Variants in CDCA8 observed in about 807,000 individuals in gnomAD.
The protein encoded by CDCA8 is borealin.
In CDCA8, 25 loss-of-function variants were observed where a neutral mutation model predicts 40.0. The observed-to-expected ratio is 0.63, with a 90% CI of 0.46 to 0.87. CDCA8 has a LOEUF of 0.87. Ranked by LOEUF, CDCA8 falls within the 40% of genes least tolerant of loss-of-function variation. The pLI, the probability that CDCA8 is intolerant of heterozygous loss-of-function variation, is 0.00. For synonymous variants in CDCA8, 111 were observed against 126.5 expected (o/e 0.88, Z 0.82); for missense variants, 280 against 348.4 (o/e 0.80, Z 1.56).
At chr1:37,699,415 CT>C (rs1275199574) in intron 4 of CDCA8, among the ~76,000 whole-genome samples, 3 of 152,138 alleles carry the variant, frequency 2.0e-5, no homozygotes, top group Non-Finnish European at 4.4e-5. Flanking sequence ...AAAGGAATGA[CT>C]TTCTCTGCAT....
chr1:37,699,081 A>C, intron 4 of CDCA8, 104 bp downstream of exon 4: 1 of 747,294 alleles, frequency 1.3e-6, no homozygotes, highest in Non-Finnish European at 2.4e-6. Context: ...CTTCCCTTTA[A>C]TGTCTGGTTC....
chr1:37,705,328 G>C (rs1420622343), intron 7 of CDCA8, 113 bp from the exon 8 acceptor site: 2 of 880,292 alleles, frequency 2.3e-6, no homozygotes, highest in African/African-American at 3.3e-5. Context: ...TGCTTTCTTA[G>C]GAATGTATGA....
chr1:37,703,420 A>G, intron 7 of CDCA8, 73 bp downstream of exon 7: 2 of 1,134,926 alleles, frequency 1.8e-6, no homozygotes, highest in East Asian at 2.3e-5. Flanking sequence ...GGAGTGTCTA[A>G]GAAAATACTC....
At chr1:37,706,858 C>A in intron 8 of CDCA8, 120 bp from the exon 9 acceptor site, 1 of 710,764 alleles carries the variant, frequency 1.4e-6, no homozygotes, top group Non-Finnish European at 2.5e-6. Context: ...TCCTTCCTGC[C>A]TGTCTTGCCA....
chr1:37,701,206 T>G (rs1481358603), intron 5 of CDCA8, among the ~76,000 whole-genome samples: 1 of 152,080 alleles, frequency 6.6e-6, no homozygotes, highest in African/African-American at 2.4e-5. Flanking sequence ...TGGAGATGGT[T>G]GTGCAGGGAG....
chr1:37,704,347 G>A (rs1645584654), intron 7 of CDCA8, among the ~76,000 whole-genome samples: 1 of 152,156 alleles, frequency 6.6e-6, no homozygotes, highest in Admixed American at 6.5e-5. Context: ...TGCAGCATAA[G>A]TTAATACCTT....
chr1:37,692,694 G>C lies in CDCA8; in HGVS notation c.4G>C (p.Ala2Pro), dbSNP rs781286827. The C allele has an allele frequency of 6.2e-7, 1 of 1,612,682 alleles. No individual in the cohort carries two copies. Among genetic ancestry groups the C allele is most frequent in the South Asian group, 1.1e-5 (1 of 91,056 alleles). Residue 2 changes from alanine to proline, a missense_variant, in exon 1 of 10, where the codon GCT (alanine) becomes CCT (proline). Physicochemically the swap from Ala to Pro is conservative, Grantham distance 27 (BLOSUM62 -1). Transcript: ENST00000373055. Reference protein sequence around the residue: MAPRKGSSRVAK... With the variant: MPPRKGSSRVAK... ...CCCGCAGCCTCCGCCGAGCGCCATGGCTCCTAGGAAGGGCAGTAGTCGGGT... is the reference window on the plus strand; with the variant it reads ...CCCGCAGCCTCCGCCGAGCGCCATGCCTCCTAGGAAGGGCAGTAGTCGGGT...
intron 5 of CDCA8, 48 bp from the exon 6 acceptor site, chr1:37,701,706 C>A: frequency 3.1e-6 from 4 of 1,304,614 alleles, no homozygotes; most frequent in South Asian, 1.3e-5. Flanking sequence ...TTACCTTCCT[C>A]TTTGCTGGGT....
At chr1:37,693,874 A>G (rs1011074525) in intron 2 of CDCA8, among the ~76,000 whole-genome samples, 1 of 150,928 alleles carries the variant, frequency 6.6e-6, no homozygotes, top group African/African-American at 2.4e-5. Context: ...GTGGTGGCTC[A>G]CGCCTGTAAT....
intron 3 of CDCA8, among the ~76,000 whole-genome samples, chr1:37,697,374 G>A (rs1433894894): frequency 6.6e-6 from 1 of 152,208 alleles, no homozygotes; most frequent in African/African-American, 2.4e-5. Context: ...ACTCCCTGTA[G>A]AGTCAAACAG....
In CDCA8 at chr1:37,708,584, G is replaced by C; in HGVS notation, c.*218G>C. 1.7e-6 allele frequency: 1 copy of C among 574,298 alleles called. No individual in the cohort carries two copies. The allele number at this position is 574,298 out of a possible 1,614,324, so 35.6% of individuals were successfully genotyped here. Reference sequence around the variant, plus strand: ...GCTGATCCCAGTCACTGCTTGCTGGGGCCATGCCATGGAAGCTTCCCATCA... The same window carrying C: ...GCTGATCCCAGTCACTGCTTGCTGGCGCCATGCCATGGAAGCTTCCCATCA... On this transcript the variant is annotated 3_prime_UTR_variant, in exon 10 of 10. Coordinates refer to ENST00000373055, the MANE Select transcript of CDCA8 (RefSeq NM_001256875.2).
Position 37,698,921 on chromosome 1 carries a change from C to T in CDCA8, c.281C>T (p.Thr94Ile). The T allele has an allele frequency of 6.2e-7, 1 of 1,613,580 alleles. No homozygotes were observed. Among genetic ancestry groups the T allele is most frequent in the Non-Finnish European group, 8.5e-7 (1 of 1,179,520 alleles). ...TTGTCATAGGCTGACCTGGATATCA[C>T]CGAAATAAACAAACTAACAGCAGAA... ...EEAATADLDI[T>I]EINKLTAEAI... Residue 94 changes from threonine to isoleucine, a missense_variant, in exon 4 of 10, where the codon ACC (threonine) becomes ATC (isoleucine). Coordinates refer to ENST00000373055, the MANE Select transcript of CDCA8 (RefSeq NM_001256875.2).
At chr1:37,701,726 C>A (rs1409985987) in intron 5 of CDCA8, 28 bp from the exon 6 acceptor site, 19 of 1,533,562 alleles carry the variant, frequency 1.2e-5, no homozygotes, top group Non-Finnish European at 1.7e-5. Flanking sequence ...TTTTTTGTAA[C>A]CTTAGTCTCA....
intron 3 of CDCA8, among the ~76,000 whole-genome samples, chr1:37,698,597 G>A (rs1645542553): frequency 2.0e-5 from 3 of 152,272 alleles, no homozygotes; most frequent in South Asian, 4.1e-4. Context: ...TGTACCTTTC[G>A]ATAAAGCAAG....
chr1:37,699,321 C>T (rs1014453110), intron 4 of CDCA8, among the ~76,000 whole-genome samples: 1 of 152,098 alleles, frequency 6.6e-6, no homozygotes, highest in East Asian at 1.9e-4. Context: ...AAATAGATGA[C>T]AAGATTTAGA....
Position 37,692,947 on chromosome 1 carries a change from T to C in CDCA8, c.137T>C (p.Leu46Pro). 1 of 1,614,048 alleles carries C rather than the reference T, an allele frequency of 6.2e-7. No homozygotes were observed. The highest frequency in any genetic ancestry group is 8.5e-7 in the Non-Finnish European group (1 of 1,179,996). Reference sequence around the variant, plus strand: ...CAAATTGAGTCAGACAGGCAGAACCTCCTCAAGGAGGTGGATAACCTCTAC... The same window carrying C: ...CAAATTGAGTCAGACAGGCAGAACCCCCTCAAGGAGGTGGATAACCTCTAC... ...IKQIESDRQNLLKEVDNLYNI... is the reference protein window; with the variant it reads ...IKQIESDRQNPLKEVDNLYNI... The change falls in exon 2 of 10, where the codon CTC becomes CCC. Residue 46 changes from leucine (L) to proline (P), a missense_variant. Physicochemically the swap from Leu to Pro is moderately conservative, Grantham distance 98. Transcript: ENST00000373055.
intron 5 of CDCA8, 116 bp from the exon 6 acceptor site, chr1:37,701,638 T>C (rs1281240222): frequency 1.6e-6 from 1 of 611,842 alleles, no homozygotes; most frequent in Admixed American, 3.1e-5. Flanking sequence ...TTATTATATT[T>C]AGTATTAACT....
Position 37,705,565 on chromosome 1 carries a change from G to A in CDCA8, c.709G>A (p.Glu237Lys), listed in dbSNP as rs1645593478. The A allele has an allele frequency of 1.2e-6, 2 of 1,612,906 alleles. No homozygotes were observed. The highest frequency in any genetic ancestry group is 2.2e-5 in the East Asian group (1 of 44,878). Reference sequence around the variant, plus strand: ...CCTCACTGTGCCAGTGGGCGGCGGAGAGGTGAAGTATTTCCAAGGGAAGCC... The same window carrying A: ...CCTCACTGTGCCAGTGGGCGGCGGAAAGGTGAAGTATTTCCAAGGGAAGCC... ...IFLTVPVGGG[E>K]SLRLLASDLQ... Residue 237 changes from glutamate (E) to lysine (K), a missense_variant and splice_region_variant, in exon 8 of 10, where the codon GAG becomes AAG. By Grantham distance (56) the Glu-to-Lys change is moderately conservative. Coordinates refer to ENST00000373055, the MANE Select transcript of CDCA8 (RefSeq NM_001256875.2).
In CDCA8 at chr1:37,696,781, G is replaced by A. The variant is rs1645529878; in HGVS notation, c.264+831G>A. Reference sequence around the variant, plus strand: ...CCAAAATTACATCTTTTGTTGAGTTGATCAGAATCATTTGGAATATCAGGG... The same window carrying A: ...CCAAAATTACATCTTTTGTTGAGTTAATCAGAATCATTTGGAATATCAGGG... On this transcript the variant is annotated intron_variant, in intron 3 of 9. Coordinates refer to ENST00000373055, the MANE Select transcript of CDCA8 (RefSeq NM_001256875.2). This position sits in a 1 kb window ranked among gnomAD's most constrained non-coding sequence, Gnocchi z 5.0. Among the ~76,000 whole-genome samples, 1 of 152,168 alleles carries A rather than the reference G, an allele frequency of 6.6e-6. No individual in the cohort carries two copies. The highest frequency in any genetic ancestry group is 1.5e-5 in the Non-Finnish European group (1 of 68,040).
Sources: allele counts gnomAD v4.1 joint callset (sites outside exome capture counted in the v4.1 genomes callset), GRCh38; gene constraint gnomAD v4.1.1; non-coding constraint Gnocchi (gnomAD v3.1); transcripts MANE v1.5; gene names NCBI Gene and HGNC (gene_info 2026-07-23, HGNC 2026-07-21).